The following NRG1 variants were observed in gnomAD, a reference collection of about 807,000 sequenced individuals.
The protein encoded by NRG1 is pro-neuregulin-1, membrane-bound isoform.
NRG1 carries 18 observed loss-of-function variants against 63.8 expected under a neutral mutation model. The observed-to-expected ratio is 0.28, with a 90% CI of 0.19 to 0.42. The LOEUF (loss-of-function observed/expected upper bound fraction) is 0.42, where lower values mean the gene tolerates loss of function less well. NRG1 is among the 10% of genes least tolerant of loss of function. The probability of loss-of-function intolerance (pLI) is 1.00; values close to 1 mark genes in which losing one functional copy is unlikely to be tolerated. For missense variants in NRG1, 762 were observed against 814.7 expected, an observed-to-expected ratio of 0.94 and a Z score of 0.79; for synonymous variants, 302 against 301.3, an observed-to-expected ratio of 1.00 and a Z score of -0.02.
At chr8:32,600,662 A>G (rs1327639575) in intron 2 of NRG1, among the ~76,000 whole-genome samples, 4 of 152,194 alleles carry the variant, frequency 2.6e-5, no homozygotes, top group African/African-American at 9.6e-5. Context: ...TTATTCTAAA[A>G]GTAATGCATG....
intron 6 of NRG1, among the ~76,000 whole-genome samples, chr8:32,731,792 C>A (rs1261819090): frequency 6.6e-6 from 1 of 152,170 alleles, no homozygotes; most frequent in Non-Finnish European, 1.5e-5. Context: ...ATTGGCTCAT[C>A]ATGGTCCTGT....
At chr8:32,391,260 A>G (rs1811730134) in intron 1 of NRG1, among the ~76,000 whole-genome samples, 1 of 151,874 alleles carries the variant, frequency 6.6e-6, no homozygotes, top group South Asian at 2.1e-4. Context: ...CCTCCCTAAT[A>G]GCTGGGATTA....
chr8:31,924,215 C>T (rs560619877), intron 1 of NRG1, among the ~76,000 whole-genome samples: 168 of 151,786 alleles, frequency 1.1e-3, no homozygotes, highest in Non-Finnish European at 1.4e-3. Context: ...TCTAACCGGG[C>T]GTAGTGGTGC....
At chr8:31,753,355 T>C (rs1350665888) in intron 1 of NRG1, among the ~76,000 whole-genome samples, 1 of 140,126 alleles carries the variant, frequency 7.1e-6, no homozygotes, top group Non-Finnish European at 1.6e-5. Context: ...ACCTGAGAGA[T>C]GAGAAACTAC....
At chr8:32,093,059 A>G (rs772234555) in intron 1 of NRG1, among the ~76,000 whole-genome samples, 3 of 152,208 alleles carry the variant, frequency 2.0e-5, no homozygotes, top group Non-Finnish European at 4.4e-5. Flanking sequence ...TGGGGAAAAG[A>G]AAGAGAGATC....
intron 1 of NRG1, among the ~76,000 whole-genome samples, chr8:32,455,695 A>G (rs1821510199): frequency 6.6e-6 from 1 of 152,230 alleles, no homozygotes; most frequent in African/African-American, 2.4e-5. Flanking sequence ...ACCAAATGAG[A>G]CTGATAATCA....
At chr8:32,575,991 TTTAA>T (rs1343623846) in intron 1 of NRG1, among the ~76,000 whole-genome samples, 1 of 152,188 alleles carries the variant, frequency 6.6e-6, no homozygotes, top group African/African-American at 2.4e-5. Context: ...AAAATTTATT[TTTAA>T]TTAATTTTTA....
rs1356361012 is a variant in NRG1, at chr8:32,742,420, T to C, written c.633-255T>C. On this transcript the variant is annotated intron_variant, in intron 6 of 11. Transcript: ENST00000356819. This position sits in a 1 kb window ranked among gnomAD's most constrained non-coding sequence, Gnocchi z 4.2. Reference sequence around the variant, plus strand: ...GGATTTCATTTTAAGGGGTTCCCTTTGAAAGAAGGCAACCACTTAAAGTGC... The same window carrying C: ...GGATTTCATTTTAAGGGGTTCCCTTCGAAAGAAGGCAACCACTTAAAGTGC... 5.3e-5 allele frequency among the ~76,000 whole-genome samples: 8 copies of C among 152,162 alleles called. No homozygotes were observed. Among genetic ancestry groups the C allele is most frequent in the African/African-American group, 1.7e-4 (7 of 41,438 alleles).
At chr8:32,346,324 C>T (rs1657613768) in intron 1 of NRG1, among the ~76,000 whole-genome samples, 1 of 150,402 alleles carries the variant, frequency 6.6e-6, no homozygotes, top group Non-Finnish European at 1.5e-5. Context: ...GTAAAATTCA[C>T]ATGAAAAACT....
intron 1 of NRG1, among the ~76,000 whole-genome samples, chr8:31,755,523 C>T (rs1409948317): frequency 6.6e-6 from 1 of 152,066 alleles, no homozygotes; most frequent in Non-Finnish European, 1.5e-5. Flanking sequence ...CACTCACATG[C>T]CATACTCTTA....
intron 1 of NRG1, among the ~76,000 whole-genome samples, chr8:32,456,698 A>G (rs1821638791): frequency 6.6e-6 from 1 of 152,248 alleles, no homozygotes; most frequent in Non-Finnish European, 1.5e-5. Context: ...TAAGGCTTCT[A>G]GTCAACAGTA....
intron 1 of NRG1, among the ~76,000 whole-genome samples, chr8:32,076,015 A>C (rs114406820): frequency 0.012 from 1,782 of 152,204 alleles, 34 homozygotes; most frequent in African/African-American, 0.041. Context: ...TTGATCTATG[A>C]TTGGTTGAAT....
intron 5 of NRG1, among the ~76,000 whole-genome samples, chr8:32,656,200 G>T (rs1190012128): frequency 6.6e-6 from 1 of 151,940 alleles, no homozygotes; most frequent in Non-Finnish European, 1.5e-5. Flanking sequence ...AAAATTATTT[G>T]ACAATAAAAT....
intron 1 of NRG1, among the ~76,000 whole-genome samples, chr8:31,760,756 C>T: frequency 6.6e-6 from 1 of 152,126 alleles, no homozygotes. Flanking sequence ...AATGAGATAC[C>T]ATCTCACACC....
chr8:32,088,582 A>G (rs551713000), intron 1 of NRG1, among the ~76,000 whole-genome samples: 2 of 148,474 alleles, frequency 1.3e-5, no homozygotes, highest in East Asian at 4.0e-4. Flanking sequence ...CAGTGGTGCG[A>G]TCTGGGCTCA....
chr8:31,855,368 G>A (rs1483386034), intron 1 of NRG1, among the ~76,000 whole-genome samples: 1 of 152,038 alleles, frequency 6.6e-6, no homozygotes, highest in African/African-American at 2.4e-5. Context: ...ATTATGTAAT[G>A]GCCTTCTTTG....
At chr8:32,499,220 T>G (rs984817389) in intron 1 of NRG1, among the ~76,000 whole-genome samples, 2 of 152,190 alleles carry the variant, frequency 1.3e-5, no homozygotes, top group African/African-American at 2.4e-5. Flanking sequence ...AGCATGCAGG[T>G]GGGAGTGGGG....
At chr8:32,006,638 A>T (rs893577130) in intron 1 of NRG1, among the ~76,000 whole-genome samples, 9 of 152,016 alleles carry the variant, frequency 5.9e-5, no homozygotes, top group African/African-American at 1.9e-4. Context: ...CCACATGAGA[A>T]GGAAGGTGGT....
intron 1 of NRG1, among the ~76,000 whole-genome samples, chr8:32,340,578 G>A (rs762502813): frequency 6.6e-6 from 1 of 152,150 alleles, no homozygotes; most frequent in Non-Finnish European, 1.5e-5. Flanking sequence ...ATATAAGTTG[G>A]CTGGATGGAC....
Sources: allele counts gnomAD v4.1 joint callset (sites outside exome capture counted in the v4.1 genomes callset), GRCh38; gene constraint gnomAD v4.1.1; non-coding constraint Gnocchi (gnomAD v3.1); transcripts MANE v1.5; gene names NCBI Gene and HGNC (gene_info 2026-07-23, HGNC 2026-07-21).